The following DNAH12 variants were observed in gnomAD, a reference collection of about 807,000 sequenced individuals.
DNAH12 encodes axonemal beta dynein heavy chain 12.
A neutral mutation model predicts 371.5 loss-of-function variants in DNAH12; 285 were observed. That is an observed-to-expected ratio of 0.77 (90% CI 0.70 to 0.85). The LOEUF (loss-of-function observed/expected upper bound fraction) is 0.85, where lower values mean the gene tolerates loss of function less well. Among genes scored for constraint, DNAH12 ranks in the 40% least tolerant of loss-of-function variants. DNAH12 has a pLI of 0.00. For missense variants in DNAH12, 3,611 were observed against 3,689.4 expected, an observed-to-expected ratio of 0.98 and a Z score of 0.55; for synonymous variants, 1,200 against 1,213.0, an observed-to-expected ratio of 0.99 and a Z score of 0.22.
At chr3:57,518,069 TA>T (rs113792418) in intron 4 of DNAH12, among the ~76,000 whole-genome samples, 2,631 of 142,918 alleles carry the variant, frequency 0.018, 65 homozygotes, top group African/African-American at 0.062. Context: ...ACAGAAAACA[TA>T]AAAAAAAAAA....
At chr3:57,337,370 A>T (rs1260802264) in intron 60 of DNAH12, among the ~76,000 whole-genome samples, 5 of 151,998 alleles carry the variant, frequency 3.3e-5, no homozygotes, top group African/African-American at 1.2e-4. Flanking sequence ...TAAAAGAGAG[A>T]ACTTTTCAGC....
chr3:57,498,468 T>C lies in DNAH12; in HGVS notation c.1335+2853A>G, dbSNP rs2067392610. ...AGTAGCTGAGACTACAGGTGCAAGCTACTATGCCTGGCTTAACAGTTTCTT... is the reference window on the plus strand; with the variant it reads ...AGTAGCTGAGACTACAGGTGCAAGCCACTATGCCTGGCTTAACAGTTTCTT... On this transcript the variant is annotated intron_variant, in intron 11 of 73. Coordinates refer to ENST00000495027, the MANE Select transcript of DNAH12 (RefSeq NM_001366028.2). The C allele has an allele frequency of 7.0e-6, 5 of 711,158 alleles. No homozygotes were observed. In the South Asian group the frequency reaches 7.4e-5, roughly 11 times the overall value. The allele number at this position is 711,158 out of a possible 1,614,324, so 44.1% of individuals were successfully genotyped here.
intron 65 of DNAH12, among the ~76,000 whole-genome samples, chr3:57,315,837 T>C (rs950266): frequency 0.32 from 49,072 of 151,992 alleles, 8,762 homozygotes; most frequent in African/African-American, 0.47. Context: ...ACATTTTTGG[T>C]CTATGCTTGT....
chr3:57,445,287 C>G lies in DNAH12; in HGVS notation c.4312G>C (p.Glu1438Gln). The G allele has an allele frequency of 1.3e-6, 2 of 1,551,638 alleles. No individual in the cohort carries two copies. Among genetic ancestry groups the G allele is most frequent in the South Asian group, 1.2e-5 (1 of 84,034 alleles). The change falls in exon 28 of 74, where the codon GAG becomes CAG. Residue 1438 changes from glutamate to glutamine, a missense_variant. By Grantham distance (29) the Glu-to-Gln change is conservative (BLOSUM62 2). Around this residue, in one of 3 missense-constraint regions of DNAH12, gnomAD observed 2,266 missense variants for 2,236.9 expected, o/e 1.01. Coordinates refer to ENST00000495027, the MANE Select transcript of DNAH12 (RefSeq NM_001366028.2). ...TAATGAAATTGCGATGAGAGCTGCT[C>G]TGAGCAAAGCCTATAGGTCATTACT... is the stretch of plus-strand genomic sequence containing the variant. ...KIVMTYRLCS[E>Q]QLSSQFHYDY... is the part of the protein sequence containing the mutation.
chr3:57,459,087 T>C (rs17799458), intron 20 of DNAH12, among the ~76,000 whole-genome samples: 3,980 of 152,294 alleles, frequency 0.026, 71 homozygotes, highest in Non-Finnish European at 0.034. Context: ...ATGTTCACTG[T>C]GTGTATGAAA....
Position 57,534,658 on chromosome 3 carries a change from G to T in DNAH12, c.170+8043C>A, listed in dbSNP as rs568379228. ...CAAGTAGCTGAGATTACAGGCATAT[G>T]CCACCATGCCCGGCTAATTTTTGTA... On this transcript the variant is annotated intron_variant, in intron 2 of 73. Transcript: ENST00000495027. Among the ~76,000 whole-genome samples, 4 of 152,044 alleles carry T rather than the reference G, an allele frequency of 2.6e-5. No homozygotes were observed. The South Asian group carries it at 8.3e-4, about 32-fold the overall frequency.
intron 22 of DNAH12, 92 bp downstream of exon 22, chr3:57,457,629 A>C: frequency 7.6e-7 from 1 of 1,320,428 alleles, no homozygotes; most frequent in Non-Finnish European, 1.0e-6. Context: ...TAAAATAGTA[A>C]GAACTTTAAG....
chr3:57,509,599 T>A (rs1346313666), intron 5 of DNAH12, among the ~76,000 whole-genome samples: 3 of 151,958 alleles, frequency 2.0e-5, no homozygotes, highest in Non-Finnish European at 4.4e-5. Flanking sequence ...CGGTGGCTCA[T>A]GCCTGTAATT....
At chr3:57,502,528 T>C in intron 9 of DNAH12, 49 bp from the exon 10 acceptor site, 1 of 1,538,430 alleles carries the variant, frequency 6.5e-7, no homozygotes, top group Non-Finnish European at 8.9e-7. Flanking sequence ...TATCTAACTG[T>C]ATAATTAATC....
intron 13 of DNAH12, among the ~76,000 whole-genome samples, chr3:57,473,948 G>A (rs192421976): frequency 7.9e-5 from 12 of 152,196 alleles, no homozygotes; most frequent in South Asian, 2.1e-4. Flanking sequence ...TTCAAAAAAC[G>A]TAGTAGCACA....
intron 13 of DNAH12, among the ~76,000 whole-genome samples, chr3:57,477,257 A>G (rs1467078796): frequency 6.6e-6 from 1 of 152,106 alleles, no homozygotes; most frequent in Non-Finnish European, 1.5e-5. Context: ...GGTTTAGCAA[A>G]CGGCACACCA....
At chr3:57,504,994 C>G (rs1031366793) in intron 8 of DNAH12, among the ~76,000 whole-genome samples, 1 of 151,876 alleles carries the variant, frequency 6.6e-6, no homozygotes, top group African/African-American at 2.4e-5. Flanking sequence ...CTCAGGCCAT[C>G]CTCCCACCTC....
chr3:57,354,489 T>C (rs959255552), intron 59 of DNAH12, among the ~76,000 whole-genome samples: 3,504 of 146,108 alleles, frequency 0.024, 63 homozygotes, highest in Admixed American at 0.036. Flanking sequence ...TACCCCTGAA[T>C]GTAAAAGTTT....
intron 10 of DNAH12, 120 bp downstream of exon 10, chr3:57,502,203 A>G (rs1245663238): frequency 2.2e-6 from 3 of 1,344,684 alleles, no homozygotes; most frequent in South Asian, 1.4e-5. Context: ...AGCTACGCCT[A>G]TGCTCACTTC....
rs749520805 is a variant in DNAH12, at chr3:57,508,365, A to G, written c.701+17T>C. On this transcript the variant is annotated intron_variant, in intron 7 of 73. Coordinates refer to ENST00000495027, the MANE Select transcript of DNAH12 (RefSeq NM_001366028.2). ...AAGCAAGGAGACATTCAAATTTTAA[A>G]TTAAACGGGATTTTACCTAATTCCT... 6.4e-7 allele frequency: 1 copy of G among 1,572,978 alleles called. No homozygotes were observed. The highest frequency in any genetic ancestry group is 2.0e-5 in the Admixed American group (1 of 49,548).
At chr3:57,365,268 C>T (rs894023501) in intron 57 of DNAH12, among the ~76,000 whole-genome samples, 1 of 152,184 alleles carries the variant, frequency 6.6e-6, no homozygotes, top group Non-Finnish European at 1.5e-5. Flanking sequence ...CCATGGAATA[C>T]TATGCAGCCA....
chr3:57,324,381 A>T (rs1426384541), intron 62 of DNAH12, among the ~76,000 whole-genome samples: 1 of 152,236 alleles, frequency 6.6e-6, no homozygotes, highest in Non-Finnish European at 1.5e-5. Context: ...TTGAATTGTT[A>T]TATAAATCAG....
chr3:57,470,377 T>C, intron 16 of DNAH12, 66 bp downstream of exon 16: 1 of 1,340,880 alleles, frequency 7.5e-7, no homozygotes, highest in Non-Finnish European at 1.0e-6. Context: ...AAAAAAAAAA[T>C]CAATTTATAT....
At position 57,351,984 on chromosome 3, in the gene DNAH12, C is replaced by T. The variant is rs1043475500; in HGVS notation, c.9674+101G>A. 3.1e-5 allele frequency: 38 copies of T among 1,229,604 alleles called. No homozygotes were observed. In the Admixed American group the frequency reaches 4.2e-4, roughly 13 times the overall value. 76.2% of individuals were successfully genotyped at this position (1,229,604 alleles called of 1,614,324 possible). On this transcript the variant is annotated intron_variant, in intron 60 of 73. Transcript: ENST00000495027. ...TGCACAAGTAAAATCATGACTTAAG[C>T]GAAGAAAAATATAGACTTCTGTGAG...
Sources: gnomAD v4.1 joint callset for allele counts (sites outside exome capture counted in the v4.1 genomes callset) on GRCh38, gnomAD v4.1.1 for gene constraint, gnomAD v4.1.1 regional missense constraint, MANE v1.5 for transcripts, NCBI Gene and HGNC (gene_info 2026-07-23, HGNC 2026-07-21) for gene names.